The following IFI27L1 variants were observed in gnomAD, a reference collection of about 807,000 sequenced individuals.
IFI27L1 encodes interferon alpha inducible protein 27 like 1, also known as interferon alpha-inducible protein 27-like protein 1.
IFI27L1 carries 3 observed loss-of-function variants against 9.2 expected under a neutral mutation model. That is an observed-to-expected ratio of 0.32 (90% CI 0.15 to 0.84). The LOEUF (loss-of-function observed/expected upper bound fraction) is 0.84, where lower values mean the gene tolerates loss of function less well. Ranked by LOEUF, IFI27L1 falls within the 40% of genes least tolerant of loss-of-function variation. The pLI is 0.56. For missense variants in IFI27L1, 133 were observed against 134.2 expected, an observed-to-expected ratio of 0.99 and a Z score of 0.05; for synonymous variants, 53 against 50.0, an observed-to-expected ratio of 1.06 and a Z score of -0.26.
intron 1 of IFI27L1, among the ~76,000 whole-genome samples, chr14:94,093,344 T>C (rs1315768010): frequency 6.6e-6 from 1 of 151,804 alleles, no homozygotes; most frequent in Non-Finnish European, 1.5e-5. Context: ...TTTTTTTTTT[T>C]GTATTTTTAG....
chr14:94,083,053 AT>A (rs1886164479), intron 1 of IFI27L1, among the ~76,000 whole-genome samples: 1 of 152,242 alleles, frequency 6.6e-6, no homozygotes, highest in East Asian at 1.9e-4. Flanking sequence ...CATTAAGAAC[AT>A]TTGTGATTCA....
intron 1 of IFI27L1, among the ~76,000 whole-genome samples, chr14:94,085,774 C>T (rs1202181264): frequency 6.6e-6 from 1 of 152,074 alleles, no homozygotes; most frequent in African/African-American, 2.4e-5. Flanking sequence ...AGAACATTTC[C>T]ACCACCCCAG....
At chr14:94,096,775 TATG>T (rs557065976) in intron 1 of IFI27L1, 109 bp from the exon 2 acceptor site, 6,257 of 590,560 alleles carry the variant, frequency 0.011, 63 homozygotes, top group Non-Finnish European at 0.015. Flanking sequence ...ATATGTTTTA[TATG>T]ATAATTCTAT....
intron 4 of IFI27L1, 64 bp from the exon 5 acceptor site, chr14:94,102,413 C>A: frequency 9.5e-7 from 1 of 1,056,204 alleles, no homozygotes; most frequent in Non-Finnish European, 1.4e-6. Context: ...CTCTGGCCTT[C>A]AACCCCCTGT....
rs534567738 is a variant in IFI27L1 at position 94,086,329 on chromosome 14, A to T, written c.-52+4880A>T. Among the ~76,000 whole-genome samples, 3 of 152,264 alleles carry T rather than the reference A, an allele frequency of 2.0e-5. No individual in the cohort carries two copies. The East Asian group carries it at 5.8e-4, about 29-fold the overall frequency. On this transcript the variant is annotated intron_variant, in intron 1 of 4. Transcript: ENST00000555523. The stretch of plus-strand genomic sequence containing the variant: ...GCATGCTTCTTGTAAAGCCTGTGGA[A>T]CTGTGTGCCAGTTAAACCTCTTTTT...
chr14:94,088,341 C>A, intron 1 of IFI27L1: 1 of 702,198 alleles, frequency 1.4e-6, no homozygotes, highest in Non-Finnish European at 2.6e-6. Context: ...GCCCCAGAGC[C>A]AACAGGTGTG....
intron 2 of IFI27L1, among the ~76,000 whole-genome samples, 174 bp downstream of exon 2, chr14:94,097,139 T>C (rs978346554): frequency 2.6e-5 from 4 of 152,198 alleles, no homozygotes; most frequent in African/African-American, 7.2e-5. Flanking sequence ...AGAATACACA[T>C]GCCACAGTGG....
chr14:94,100,464 T>C (rs1292286964), intron 2 of IFI27L1: 2 of 985,174 alleles, frequency 2.0e-6, no homozygotes, highest in Non-Finnish European at 2.4e-6. Context: ...AGGCATGCTC[T>C]GCCCAGTGCT....
At chr14:94,097,095 T>C in intron 2 of IFI27L1, 130 bp downstream of exon 2, 1 of 673,430 alleles carries the variant, frequency 1.5e-6, no homozygotes, top group East Asian at 2.8e-5. Context: ...GGAAAAGAAT[T>C]ATTCAGGAAT....
At chr14:94,100,967 G>T (rs1886873155) in intron 3 of IFI27L1, 196 bp downstream of exon 3, 2 of 642,148 alleles carry the variant, frequency 3.1e-6, no homozygotes, top group South Asian at 3.7e-5. Context: ...GGCTTTGGAG[G>T]CAGCCAGAGC....
intron 1 of IFI27L1, among the ~76,000 whole-genome samples, chr14:94,095,759 T>A (rs1206571937): frequency 6.6e-6 from 1 of 152,078 alleles, no homozygotes; most frequent in Non-Finnish European, 1.5e-5. Flanking sequence ...CATGAGGGAT[T>A]TTCCCCCATG....
chr14:94,101,772 C>T, intron 3 of IFI27L1, 42 bp from the exon 4 acceptor site: 1 of 1,609,796 alleles, frequency 6.2e-7, no homozygotes, highest in Non-Finnish European at 8.5e-7. Context: ...GTCTGGGGGA[C>T]TCCGTCCCAT....
In IFI27L1 at chr14:94,088,819, G is replaced by A. The variant is rs552444301; in HGVS notation, c.-52+7370G>A. Among the ~76,000 whole-genome samples the A allele has an allele frequency of 1.7e-4, 26 of 152,130 alleles. No individual in the cohort carries two copies. In the South Asian group the frequency reaches 5.4e-3, roughly 32 times the overall value. On this transcript the variant is annotated intron_variant, in intron 1 of 4. Coordinates refer to ENST00000555523, the MANE Select transcript of IFI27L1 (RefSeq NM_206949.3). ...CTTGGGGAGCTGTCTCCTAGTCTTC[G>A]GAGTTCCTTGTTAAAGGCAGTTCCT...
rs556571316 is a variant in IFI27L1, at chr14:94,082,116, C to T, written c.-52+667C>T. On this transcript the variant is annotated intron_variant, in intron 1 of 4. Transcript: ENST00000555523. ...AAATTAAACATTTTACTCTAATGAA[C>T]ACATGAATGATATGAAAGCGAAACA... is the stretch of plus-strand genomic sequence containing the variant. Among the ~76,000 whole-genome samples the T allele has an allele frequency of 6.6e-5, 10 of 152,280 alleles. No homozygotes were observed. In the South Asian group the frequency reaches 1.0e-3, roughly 16 times the overall value.
chr14:94,096,695 GA>G (rs11324210), intron 1 of IFI27L1, 191 bp from the exon 2 acceptor site: 92,103 of 287,098 alleles, frequency 0.32, 5,980 homozygotes, highest in East Asian at 0.41. Context: ...CTCTGTCTCA[GA>G]AAAAAAAAAA....
At chr14:94,097,092 AAT>A (rs1886702686) in intron 2 of IFI27L1, 127 bp downstream of exon 2, 1 of 699,472 alleles carries the variant, frequency 1.4e-6, no homozygotes, top group African/African-American at 1.8e-5. Context: ...CATGGAAAAG[AAT>A]TATTCAGGAA....
intron 2 of IFI27L1, among the ~76,000 whole-genome samples, chr14:94,099,221 C>T (rs1886796463): frequency 6.6e-6 from 1 of 152,140 alleles, no homozygotes; most frequent in Admixed American, 6.5e-5. Context: ...GGGAGGCACA[C>T]AGGTGGCAGG....
rs1296023702 is a variant in IFI27L1, at chr14:94,083,745, AAAAT to A, written c.-52+2300_-52+2303del. Reference sequence around the variant, plus strand: ...ACTTTTTTGAGGTTTAAAACTTTTCAAAATAAAGAGTTGAGTAAATTGTTTTGAT... The same window carrying A: ...ACTTTTTTGAGGTTTAAAACTTTTCAAAAGAGTTGAGTAAATTGTTTTGAT... On this transcript the variant is annotated intron_variant, in intron 1 of 4. Transcript: ENST00000555523. Among the ~76,000 whole-genome samples the A allele has an allele frequency of 2.6e-5, 4 of 152,362 alleles. No individual in the cohort carries two copies. The East Asian group carries it at 5.8e-4, about 22-fold the overall frequency.
rs1354601205 is a variant in IFI27L1, at chr14:94,100,750, G to T, written c.40G>T (p.Val14Leu). The change falls in exon 3 of 5, where the codon GTA becomes TTA. Residue 14 changes from valine (V) to leucine (L), a missense_variant. By Grantham distance (32) the Val-to-Leu change is conservative. Transcript: ENST00000555523. ...GTTTTTGTCTCCAGGCAGGGCTGCT[G>T]TAGCAGCTGTGGTCGGAGGAGGTGA... ...ESGWDSGRAA[V>L]AAVVGGVVAV... 1 of 1,613,496 alleles carries T rather than the reference G, an allele frequency of 6.2e-7. No homozygotes were observed. The highest frequency in any genetic ancestry group is 2.2e-5 in the East Asian group (1 of 44,902).
Sources: gnomAD v4.1 joint callset for allele counts (sites outside exome capture counted in the v4.1 genomes callset) on GRCh38, gnomAD v4.1.1 for gene constraint, MANE v1.5 for transcripts, NCBI Gene and HGNC (gene_info 2026-07-23, HGNC 2026-07-21) for gene names.